The following ACSF3 variants were observed in gnomAD, a reference collection of about 807,000 sequenced individuals.
ACSF3 encodes acyl-CoA synthetase family member 3.
ACSF3 carries 78 observed loss-of-function variants against 53.2 expected under a neutral mutation model. The ratio of observed to expected loss-of-function variants is 1.47; its 90% confidence interval spans 1.22 to 1.77. The LOEUF (loss-of-function observed/expected upper bound fraction) is 1.77. Ranked by LOEUF, ACSF3 falls within the 40% of genes most tolerant of loss-of-function variation. The probability of loss-of-function intolerance (pLI) is 0.00; values close to 1 mark genes in which losing one functional copy is unlikely to be tolerated. For synonymous variants in ACSF3, 414 were observed against 333.1 expected (o/e 1.24, Z -2.65); for missense variants, 937 against 771.1 (o/e 1.22, Z -2.55).
At position 89,100,728 on chromosome 16, in the gene ACSF3, T is replaced by C; in HGVS notation, c.47T>C (p.Leu16Ser). 1 of 1,603,610 alleles carries C rather than the reference T, an allele frequency of 6.2e-7. No individual in the cohort carries two copies. Among genetic ancestry groups the C allele is most frequent in the Non-Finnish European group, 8.5e-7 (1 of 1,179,508 alleles). The change falls in exon 3 of 11, where the codon TTG (leucine) becomes TCG (serine). Residue 16 changes from leucine to serine, a missense_variant. Transcript: ENST00000614302. ...VLTFRRLGCA[L>S]ASCRLAPARH... ...ACCTTCCGGCGCCTGGGCTGCGCCT[T>C]GGCGTCCTGCCGGCTGGCGCCTGCG... is the stretch of plus-strand genomic sequence containing the variant.
At position 89,154,170 on chromosome 16, in the gene ACSF3, A is replaced by C. The variant is rs759121331; in HGVS notation, c.1694A>C (p.Asp565Ala). Residue 565 changes from aspartate to alanine, a missense_variant, in exon 11 of 11, where the codon GAC becomes GCC. Asp to Ala is a moderately radical substitution (Grantham distance 126). Coordinates refer to ENST00000614302, the MANE Select transcript of ACSF3 (RefSeq NM_001243279.3). Reference sequence around the variant, plus strand: ...CCGCGGAACCAGATGGGCAAGATTGACAAGAAGGCGCTCATCAGGCACTTC... The same window carrying C: ...CCGCGGAACCAGATGGGCAAGATTGCCAAGAAGGCGCTCATCAGGCACTTC... The part of the protein sequence containing the change: ...EIPRNQMGKI[D>A]KKALIRHFHP... 1 of 1,613,628 alleles carries C rather than the reference A, an allele frequency of 6.2e-7. No individual in the cohort carries two copies. Among genetic ancestry groups the C allele is most frequent in the Non-Finnish European group, 8.5e-7 (1 of 1,179,860 alleles).
rs551722409 is a variant in ACSF3, at chr16:89,141,175, T to C, written c.1367-4092T>C. The C allele has an allele frequency of 3.1e-6, 4 of 1,287,194 alleles. No individual in the cohort carries two copies. In the African/African-American group the frequency reaches 6.1e-5, roughly 20 times the overall value. The allele number at this position is 1,287,194 out of a possible 1,614,324, so 79.7% of individuals were successfully genotyped here. A position where few individuals can be genotyped will look rare whatever the true frequency, so the allele number is the denominator to read the frequency against. ...CGCTCTTGCTTGGCTGAGACTTTGT[T>C]TAAACCCTGGCTCCGATGCCTCTGA... On this transcript the variant is annotated intron_variant, in intron 8 of 10. Transcript: ENST00000614302.
At chr16:89,101,370 A>G (rs1442673453) in intron 3 of ACSF3, 23 bp downstream of exon 3, 2 of 1,561,462 alleles carry the variant, frequency 1.3e-6, no homozygotes, top group African/African-American at 1.4e-5. Context: ...TGGCGCCGTG[A>G]TGGTTTCGGT....
chr16:89,138,452 G>A (rs906423722), intron 8 of ACSF3, among the ~76,000 whole-genome samples: 1 of 152,376 alleles, frequency 6.6e-6, no homozygotes, highest in South Asian at 2.1e-4. Context: ...ACCAAGGCTC[G>A]TCTGGCTGGT....
intron 7 of ACSF3, among the ~76,000 whole-genome samples, chr16:89,131,356 G>A (rs539317748): frequency 1.3e-5 from 2 of 151,682 alleles, no homozygotes; most frequent in African/African-American, 4.8e-5. Flanking sequence ...AAACACCCGA[G>A]CTCAAGCAGT....
At chr16:89,142,596 C>T (rs994843045) in intron 8 of ACSF3, among the ~76,000 whole-genome samples, 2 of 150,644 alleles carry the variant, frequency 1.3e-5, no homozygotes, top group Non-Finnish European at 1.5e-5. Context: ...GAGACACAGC[C>T]ACACCTGCAG....
intron 6 of ACSF3, among the ~76,000 whole-genome samples, chr16:89,118,574 T>C (rs906569847): frequency 7.4e-6 from 1 of 135,660 alleles, no homozygotes; most frequent in African/African-American, 2.7e-5. Flanking sequence ...AGAGAGAAGC[T>C]GGGTGGAGGG....
intron 1 of ACSF3, among the ~76,000 whole-genome samples, chr16:89,097,160 G>A (rs1476038526): frequency 2.0e-5 from 3 of 152,248 alleles, no homozygotes; most frequent in South Asian, 4.1e-4. Context: ...TGTGCTCAGC[G>A]TGTGGTTAGC....
At position 89,137,407 on chromosome 16, in the gene ACSF3, C is replaced by T. The variant is rs1333780906; in HGVS notation, c.1366+4145C>T. Among the ~76,000 whole-genome samples the T allele has an allele frequency of 3.4e-5, 5 of 145,460 alleles. No individual in the cohort carries two copies. The East Asian group carries it at 6.1e-4, about 18-fold the overall frequency. ...GGAAGAGCCCCAGGTCCCGGGAGGA[C>T]CACCAGGAGCTCACGGGGAAGGATT... On this transcript the variant is annotated intron_variant, in intron 8 of 10. Coordinates refer to ENST00000614302, the MANE Select transcript of ACSF3 (RefSeq NM_001243279.3).
At chr16:89,116,036 A>G (rs1012120738) in intron 6 of ACSF3, among the ~76,000 whole-genome samples, 2 of 152,238 alleles carry the variant, frequency 1.3e-5, no homozygotes, top group Admixed American at 6.5e-5. Flanking sequence ...GTCATATCTA[A>G]TAAATCCTTG....
intron 8 of ACSF3, among the ~76,000 whole-genome samples, chr16:89,135,076 T>TG (rs1910142083): frequency 6.6e-6 from 1 of 151,462 alleles, no homozygotes; most frequent in African/African-American, 2.4e-5. Flanking sequence ...TCCTGGTTTT[T>TG]TTTTTTTTTT....
At position 89,126,050 on chromosome 16, in the gene ACSF3, A is replaced by G. The variant is rs527628173; in HGVS notation, c.1239+5137A>G. 9.7e-4 allele frequency among the ~76,000 whole-genome samples: 148 copies of G among 152,384 alleles called. 1 individual carries two copies. Among genetic ancestry groups the G allele is most frequent in the African/African-American group, 3.1e-3 (130 of 41,590 alleles). Reference sequence around the variant, plus strand: ...TTTCTCCATTTACATAGATCTGTGAACACGGTCTGTCTCTCCATTTACTTA... The same window carrying G: ...TTTCTCCATTTACATAGATCTGTGAGCACGGTCTGTCTCTCCATTTACTTA... On this transcript the variant is annotated intron_variant, in intron 7 of 10. Coordinates refer to ENST00000614302, the MANE Select transcript of ACSF3 (RefSeq NM_001243279.3).
chr16:89,123,946 C>T (rs572855217), intron 7 of ACSF3, among the ~76,000 whole-genome samples: 19 of 152,216 alleles, frequency 1.2e-4, no homozygotes, highest in African/African-American at 3.9e-4. Flanking sequence ...CACAGATACA[C>T]GCAGTGTGCA....
chr16:89,134,194 A>G (rs1052644420), intron 8 of ACSF3, among the ~76,000 whole-genome samples: 1 of 152,134 alleles, frequency 6.6e-6, no homozygotes, highest in Non-Finnish European at 1.5e-5. Context: ...TGCTTCCAAG[A>G]TGGTGGCAAG....
At position 89,142,233 on chromosome 16, in the gene ACSF3, C is replaced by T. The variant is rs571196588; in HGVS notation, c.1367-3034C>T. 3.3e-5 allele frequency among the ~76,000 whole-genome samples: 5 copies of T among 152,270 alleles called. No homozygotes were observed. The East Asian group carries it at 9.6e-4, about 29-fold the overall frequency. On this transcript the variant is annotated intron_variant, in intron 8 of 10. Coordinates refer to ENST00000614302, the MANE Select transcript of ACSF3 (RefSeq NM_001243279.3). ...CTGGGGCCCAGGGAATGGACAACTC[C>T]CCAAGCTGCCCCCACCAGTCCTTCC...
At chr16:89,097,900 A>G (rs1395038703) in intron 1 of ACSF3, among the ~76,000 whole-genome samples, 1 of 152,184 alleles carries the variant, frequency 6.6e-6, no homozygotes, top group Non-Finnish European at 1.5e-5. Flanking sequence ...GCTGAGGTTC[A>G]GGGCCCTGCG....
At chr16:89,115,496 C>T (rs957715778) in intron 6 of ACSF3, among the ~76,000 whole-genome samples, 4 of 152,244 alleles carry the variant, frequency 2.6e-5, no homozygotes, top group African/African-American at 7.2e-5. Context: ...TCAGAGCCCG[C>T]GCCTTTCCCT....
chr16:89,144,402 G>A (rs1912486055), intron 8 of ACSF3, among the ~76,000 whole-genome samples: 1 of 152,242 alleles, frequency 6.6e-6, no homozygotes, highest in Admixed American at 6.5e-5. Context: ...CACAAGATGG[G>A]CACCAGCAGG....
chr16:89,139,133 C>G (rs1911222039), intron 8 of ACSF3, among the ~76,000 whole-genome samples: 1 of 152,230 alleles, frequency 6.6e-6, no homozygotes, highest in African/African-American at 2.4e-5. Flanking sequence ...TATGGAGTCG[C>G]CGCTGAGAAC....
Sources: gnomAD v4.1 joint callset for allele counts (sites outside exome capture counted in the v4.1 genomes callset) on GRCh38, gnomAD v4.1.1 for gene constraint, MANE v1.5 for transcripts, NCBI Gene and HGNC (gene_info 2026-07-23, HGNC 2026-07-21) for gene names.